Variants in MEAK7 observed in about 807,000 individuals in gnomAD.
The protein encoded by MEAK7 is MTOR associated protein MEAK7.
In MEAK7, 68 loss-of-function variants were observed where a neutral mutation model predicts 40.5. The ratio of observed to expected loss-of-function variants is 1.68; its 90% CI spans 1.38 to 2.06. MEAK7 has a LOEUF of 2.06. Ranked by LOEUF, MEAK7 falls within the 30% of genes most tolerant of loss-of-function variation. The pLI is 0.00. For missense variants in MEAK7, 918 were observed against 580.5 expected, an observed-to-expected ratio of 1.58 and a Z score of -5.98; for synonymous variants, 338 against 231.9, an observed-to-expected ratio of 1.46 and a Z score of -4.16.
chr16:84,503,906 C>A lies in MEAK7; in HGVS notation c.-26+695G>T, dbSNP rs912898237. 3 of 984,166 alleles carry A rather than the reference C, an allele frequency of 3.0e-6. No individual in the cohort carries two copies. The African/African-American group carries it at 5.2e-5, about 17-fold the overall frequency. 61.0% of individuals were successfully genotyped at this position (984,166 alleles called of 1,614,324 possible). ...CCACCCTGGCTGCCAAGCTCCAACTCTCTACTCCAAGGGCCCCGCATCCCT... is the reference window on the plus strand; with the variant it reads ...CCACCCTGGCTGCCAAGCTCCAACTATCTACTCCAAGGGCCCCGCATCCCT... On this transcript the variant is annotated intron_variant, in intron 1 of 7. Coordinates refer to ENST00000343629, the MANE Select transcript of MEAK7 (RefSeq NM_020947.4).
intron 1 of MEAK7, among the ~76,000 whole-genome samples, chr16:84,502,220 G>A (rs553739334): frequency 6.6e-6 from 1 of 152,226 alleles, no homozygotes; most frequent in Admixed American, 6.5e-5. Context: ...AGTGGAGCTC[G>A]ACTGGAGCAG....
intron 5 of MEAK7, among the ~76,000 whole-genome samples, chr16:84,483,481 G>C (rs906947359): frequency 3.3e-5 from 5 of 152,264 alleles, no homozygotes; most frequent in Non-Finnish European, 7.3e-5. Context: ...AAGCTGGAAG[G>C]CTGCAGAGAA....
intron 5 of MEAK7, chr16:84,486,041 G>C (rs1053221932): frequency 6.6e-6 from 1 of 151,120 alleles, no homozygotes; most frequent in Admixed American, 6.6e-5. Context: ...GCCCATGCTG[G>C]TCTCAAACTC....
Position 84,495,891 on chromosome 16 carries a change from G to A in MEAK7, c.176C>T (p.Pro59Leu), listed in dbSNP as rs144220948. ...ALQNHVGEALPPEMVTRLYDG... is the reference protein window; with the variant it reads ...ALQNHVGEALLPEMVTRLYDG... ...ATACAGCCTGGTGACCATCTCTGGG[G>A]GAAGAGCTTCCCCGACGTGGTTCTG... Residue 59 changes from proline to leucine, a missense_variant, in exon 3 of 8, where the codon CCC (proline) becomes CTC (leucine). Transcript: ENST00000343629. 1.6e-4 allele frequency: 263 copies of A among 1,614,064 alleles called. 1 individual carries two copies. In the African/African-American group the frequency reaches 3.0e-3, roughly 19 times the overall value.
intron 1 of MEAK7, among the ~76,000 whole-genome samples, chr16:84,500,649 C>T (rs1367038365): frequency 1.3e-5 from 2 of 152,166 alleles, no homozygotes; most frequent in Non-Finnish European, 2.9e-5. Flanking sequence ...CCCATCTGAT[C>T]TCACCGCTTC....
rs763663642 is a variant in MEAK7, at chr16:84,480,751, C to G, written c.1078-43G>C. ...ACAGAGAATAGCATCAGCAACTCCT[C>G]AGGGTCTGTGGACATCAAATACCAC... On this transcript the variant is annotated intron_variant, in intron 6 of 7. Coordinates refer to ENST00000343629, the MANE Select transcript of MEAK7 (RefSeq NM_020947.4). 10 of 1,571,544 alleles carry G rather than the reference C, an allele frequency of 6.4e-6. No homozygotes were observed. The South Asian group carries it at 1.2e-4, about 19-fold the overall frequency.
In MEAK7 at chr16:84,504,593, G is replaced by C; in HGVS notation, c.-26+8C>G. The C allele has an allele frequency of 4.1e-6, 4 of 985,744 alleles. No homozygotes were observed. The highest frequency in any genetic ancestry group is 4.8e-6 in the Non-Finnish European group (4 of 830,160). The allele number at this position is 985,744 out of a possible 1,614,324, so 61.1% of individuals were successfully genotyped here. A position where few individuals can be genotyped will look rare whatever the true frequency, so the allele number is the denominator to read the frequency against. On this transcript the variant is annotated splice_region_variant and intron_variant, in intron 1 of 7. Coordinates refer to ENST00000343629, the MANE Select transcript of MEAK7 (RefSeq NM_020947.4). ...CAGCTCACTGCGAACCTCAGCCCAG[G>C]TACCTACCCTGCCGGGCTTCCTGGT...
chr16:84,493,604 G>A (rs1913807478), intron 3 of MEAK7, among the ~76,000 whole-genome samples: 1 of 152,098 alleles, frequency 6.6e-6, no homozygotes, highest in African/African-American at 2.4e-5. Flanking sequence ...ATACTCTAGT[G>A]AGCAAAATTT....
intron 3 of MEAK7, 130 bp downstream of exon 3, chr16:84,495,553 G>T: frequency 1.2e-6 from 1 of 825,870 alleles, no homozygotes; most frequent in Non-Finnish European, 1.9e-6. Context: ...AATAAACTCC[G>T]ATTAATTGAA....
intron 2 of MEAK7, chr16:84,497,361 C>G: frequency 8.2e-7 from 1 of 1,218,536 alleles, no homozygotes. Flanking sequence ...AGCCTTGAAT[C>G]TAAAATGTGA....
intron 6 of MEAK7, among the ~76,000 whole-genome samples, chr16:84,482,253 G>A (rs1192297608): frequency 6.6e-6 from 1 of 152,182 alleles, no homozygotes; most frequent in Non-Finnish European, 1.5e-5. Flanking sequence ...TATGAGGCAG[G>A]CCAGCGACGC....
chr16:84,492,316 T>A (rs1334003586), intron 3 of MEAK7, among the ~76,000 whole-genome samples: 1 of 152,182 alleles, frequency 6.6e-6, no homozygotes, highest in Non-Finnish European at 1.5e-5. Flanking sequence ...TAAAAGGTTA[T>A]AAAAAGGTTT....
At chr16:84,498,262 G>A (rs1914219930) in intron 1 of MEAK7, among the ~76,000 whole-genome samples, 151 bp from the exon 2 acceptor site, 1 of 152,068 alleles carries the variant, frequency 6.6e-6, no homozygotes, top group African/African-American at 2.4e-5. Context: ...CTGGGTTTTG[G>A]GTTTTGTTTT....
At chr16:84,480,122 G>A (rs151144362) in intron 7 of MEAK7, 96 bp from the exon 8 acceptor site, 22 of 1,008,778 alleles carry the variant, frequency 2.2e-5, no homozygotes, top group African/African-American at 2.1e-4. Context: ...GTGGAATCAG[G>A]CTCCGGTTCC....
At chr16:84,494,435 C>CT (rs202157973) in intron 3 of MEAK7, among the ~76,000 whole-genome samples, 3 of 151,974 alleles carry the variant, frequency 2.0e-5, no homozygotes, top group Admixed American at 2.0e-4. Context: ...CCTTCTATTC[C>CT]TTTTTTTCCC....
intron 7 of MEAK7, 70 bp downstream of exon 7, chr16:84,480,459 G>A (rs944475764): frequency 2.5e-5 from 37 of 1,492,816 alleles, no homozygotes; most frequent in Non-Finnish European, 3.1e-5. Flanking sequence ...AAGGGGTAAT[G>A]GTAAGAAAAT....
Position 84,486,862 on chromosome 16 carries a change from C to A in MEAK7, c.727G>T (p.Glu243Ter). ...ACAGAGAGGACATCCAGGATGCTCT[C>A]AAAACCCCTGCCCTGGTCCACTTGA... The part of the protein sequence containing the change: ...ERQVDQGRGF[E>*]SILDVLSVMY... Residue 243 changes from glutamate (E) to a stop codon, truncating the protein, a stop_gained, in exon 5 of 8, where the codon GAG becomes TAG. Transcript: ENST00000343629. LOFTEE classifies it high-confidence loss of function. The A allele has an allele frequency of 6.2e-7, 1 of 1,614,174 alleles. No individual in the cohort carries two copies. The highest frequency in any genetic ancestry group is 8.5e-7 in the Non-Finnish European group (1 of 1,180,036).
In MEAK7 at chr16:84,482,717, G is replaced by A. The variant is rs780096966; in HGVS notation, c.959-7C>T. ...AGGAAGCATCTGTTGTCCCCTGAAAGTAGCCAGAGAACAAAACAAACAGGG... is the reference window on the plus strand; with the variant it reads ...AGGAAGCATCTGTTGTCCCCTGAAAATAGCCAGAGAACAAAACAAACAGGG... On this transcript the variant is annotated splice_region_variant and splice_polypyrimidine_tract_variant and intron_variant, in intron 5 of 7. Transcript: ENST00000343629. 9.9e-6 allele frequency: 16 copies of A among 1,613,904 alleles called. No homozygotes were observed. In the Admixed American group the frequency reaches 2.5e-4, roughly 25 times the overall value.
intron 1 of MEAK7, among the ~76,000 whole-genome samples, chr16:84,500,677 A>G (rs1914424845): frequency 6.6e-6 from 1 of 152,188 alleles, no homozygotes; most frequent in Non-Finnish European, 1.5e-5. Flanking sequence ...CACGTTTCGC[A>G]GCAGCAGAAG....
Sources: allele counts gnomAD v4.1 joint callset (sites outside exome capture counted in the v4.1 genomes callset), GRCh38; gene constraint gnomAD v4.1.1; transcripts MANE v1.5; gene names NCBI Gene and HGNC (gene_info 2026-07-23, HGNC 2026-07-21).